Variants in RREB1 observed in about 807,000 individuals in gnomAD.
RREB1 encodes the protein ras-responsive element-binding protein 1.
A neutral mutation model predicts 117.8 loss-of-function variants in RREB1; 27 were observed. That is an observed-to-expected ratio of 0.23 (90% CI 0.17 to 0.32). The LOEUF (loss-of-function observed/expected upper bound fraction) is 0.32, where lower values mean the gene tolerates loss of function less well. RREB1 is among the 10% of genes least tolerant of loss of function. RREB1 has a pLI of 1.00. For synonymous variants in RREB1, 1,298 were observed against 1,026.7 expected, an observed-to-expected ratio of 1.26 and a Z score of -5.05; for missense variants, 2,577 against 2,378.2, an observed-to-expected ratio of 1.08 and a Z score of -1.74.
chr6:7,235,001 G>T (rs1581582682), intron 10 of RREB1, among the ~76,000 whole-genome samples: 1 of 152,172 alleles, frequency 6.6e-6, no homozygotes, highest in African/African-American at 2.4e-5. Flanking sequence ...AGATAAGGGG[G>T]GACACCACTG....
chr6:7,161,429 T>C (rs911422826), intron 1 of RREB1, among the ~76,000 whole-genome samples: 1 of 152,186 alleles, frequency 6.6e-6, no homozygotes, highest in African/African-American at 2.4e-5. Flanking sequence ...AGACTGCAGA[T>C]GTTCTTAGGA....
chr6:7,246,836 C>T lies in RREB1; in HGVS notation c.4386C>T (p.Thr1462=). 3 of 1,553,342 alleles carry T rather than the reference C, an allele frequency of 1.9e-6. No homozygotes were observed. The highest frequency in any genetic ancestry group is 2.6e-6 in the Non-Finnish European group (3 of 1,148,700). ...GGAAGAGCTTCAAGTTCCTGGGCAC[C>T]CTGAGCCGCCACCGGAAGGCGCACG... The part of the protein sequence containing the change: ...TCGKSFKFLG[T]LSRHRKAHGR... The change falls in exon 12 of 13, where the codon ACC becomes ACT. Residue 1462 remains threonine, a synonymous_variant. Transcript: ENST00000379938.
intron 1 of RREB1, among the ~76,000 whole-genome samples, chr6:7,126,129 G>C (rs1284046098): frequency 6.6e-6 from 1 of 152,116 alleles, no homozygotes; most frequent in African/African-American, 2.4e-5. Context: ...AGCCTCCTGA[G>C]TAGCTGGGAT....
intron 1 of RREB1, among the ~76,000 whole-genome samples, chr6:7,142,090 C>G (rs1762623942): frequency 6.6e-6 from 1 of 152,212 alleles, no homozygotes. Flanking sequence ...TGGCGTGCGC[C>G]TGTGATCCCA....
intron 5 of RREB1, 70 bp from the exon 6 acceptor site, chr6:7,189,087 ATC>A: frequency 7.1e-7 from 1 of 1,413,790 alleles, no homozygotes; most frequent in South Asian, 1.4e-5. Flanking sequence ...AAAGCTCTGG[ATC>A]TGCATTTCCT....
At chr6:7,191,499 T>C (rs930749293) in intron 6 of RREB1, among the ~76,000 whole-genome samples, 2 of 152,204 alleles carry the variant, frequency 1.3e-5, no homozygotes, top group African/African-American at 4.8e-5. Context: ...ATGGAATTGC[T>C]GGGTCATATG....
intron 6 of RREB1, among the ~76,000 whole-genome samples, chr6:7,195,994 GGTCT>G (rs1329635130): frequency 1.3e-5 from 2 of 152,164 alleles, no homozygotes; most frequent in Non-Finnish European, 2.9e-5. Context: ...CCACAAGGCT[GGTCT>G]GTGCTCTGCT....
chr6:7,242,883 G>A (rs1219197940), intron 11 of RREB1, among the ~76,000 whole-genome samples: 1 of 152,106 alleles, frequency 6.6e-6, no homozygotes, highest in Non-Finnish European at 1.5e-5. Context: ...CTCCCTTAAA[G>A]GTCCATTTTG....
chr6:7,231,222 G>A lies in RREB1; in HGVS notation c.3123G>A (p.Leu1041=). Reference sequence around the variant, plus strand: ...CAGCCCTCCTGAGTGGCACAGCCTTGCTGCGTCCACTGCGGCCCAAGCCCC... The same window carrying A: ...CAGCCCTCCTGAGTGGCACAGCCTTACTGCGTCCACTGCGGCCCAAGCCCC... ...GSSALLSGTA[L]LRPLRPKPPL... Residue 1041 remains leucine, a synonymous_variant, in exon 10 of 13, where the codon TTG becomes TTA. Coordinates refer to ENST00000379938, the MANE Select transcript of RREB1 (RefSeq NM_001003699.4). 2 of 1,612,498 alleles carry A rather than the reference G, an allele frequency of 1.2e-6. No homozygotes were observed. Among genetic ancestry groups the A allele is most frequent in the Non-Finnish European group, 1.7e-6 (2 of 1,179,848 alleles).
At chr6:7,126,145 G>A (rs1020807748) in intron 1 of RREB1, among the ~76,000 whole-genome samples, 1 of 152,048 alleles carries the variant, frequency 6.6e-6, no homozygotes, top group Non-Finnish European at 1.5e-5. Context: ...GGGATTACAG[G>A]TGCGCACCAC....
chr6:7,240,511 G>A lies in RREB1; in HGVS notation c.3882G>A (p.Leu1294=), dbSNP rs1350402749. 3 of 1,613,948 alleles carry A rather than the reference G, an allele frequency of 1.9e-6. No individual in the cohort carries two copies. The South Asian group carries it at 3.3e-5, about 18-fold the overall frequency. Residue 1294 remains leucine, a synonymous_variant, in exon 11 of 13, where the codon TTG becomes TTA. Transcript: ENST00000379938. ...STKSNCERHQ[L]RKHGVTTCSL... ...AATCTAACTGTGAACGCCACCAGTT[G>A]CGCAAACACGGAGTTACCACCTGTT...
chr6:7,139,622 C>T (rs1762478386), intron 1 of RREB1, among the ~76,000 whole-genome samples: 1 of 151,946 alleles, frequency 6.6e-6, no homozygotes, highest in African/African-American at 2.4e-5. Context: ...GGTTATTGAT[C>T]AGGTAGTTGG....
chr6:7,203,943 G>A (rs1766128771), intron 6 of RREB1, among the ~76,000 whole-genome samples: 1 of 152,188 alleles, frequency 6.6e-6, no homozygotes, highest in Non-Finnish European at 1.5e-5. Flanking sequence ...GCCCACATCA[G>A]AGACTGTGGG....
At chr6:7,137,506 C>T (rs375384663) in intron 1 of RREB1, among the ~76,000 whole-genome samples, 75 of 152,312 alleles carry the variant, frequency 4.9e-4, no homozygotes, top group Middle Eastern at 3.4e-3. Context: ...GATATGCATG[C>T]GCATTTTTGG....
chr6:7,133,042 C>T (rs144534320), intron 1 of RREB1, among the ~76,000 whole-genome samples: 47 of 152,286 alleles, frequency 3.1e-4, no homozygotes, highest in Admixed American at 6.5e-4. Context: ...CTGAGCAAGT[C>T]GACAAGTGGG....
intron 3 of RREB1, chr6:7,181,591 G>T: frequency 1.8e-6 from 1 of 567,910 alleles, no homozygotes; most frequent in African/African-American, 1.9e-5. Flanking sequence ...GCCTAACCCA[G>T]ATTAGGAAAG....
intron 1 of RREB1, among the ~76,000 whole-genome samples, chr6:7,176,242 T>G (rs1237389147): frequency 6.6e-6 from 1 of 152,206 alleles, no homozygotes; most frequent in Non-Finnish European, 1.5e-5. Flanking sequence ...TCAACTGTCT[T>G]ATTTTTCCCC....
chr6:7,175,003 T>TA (rs1764428652), intron 1 of RREB1, among the ~76,000 whole-genome samples: 1 of 152,198 alleles, frequency 6.6e-6, no homozygotes, highest in Admixed American at 6.5e-5. Flanking sequence ...TCATGCTATT[T>TA]ATTTGGAGAT....
chr6:7,169,331 G>A (rs533290884), intron 1 of RREB1, among the ~76,000 whole-genome samples: 1 of 152,326 alleles, frequency 6.6e-6, no homozygotes, highest in African/African-American at 2.4e-5. Flanking sequence ...TGGGCCCTCT[G>A]CCCCTGTGGT....
Sources: gnomAD v4.1 joint callset for allele counts (sites outside exome capture counted in the v4.1 genomes callset) on GRCh38, gnomAD v4.1.1 for gene constraint, MANE v1.5 for transcripts, NCBI Gene and HGNC (gene_info 2026-07-23, HGNC 2026-07-21) for gene names.